The following RAD51B variants were observed in gnomAD, a reference collection of about 807,000 sequenced individuals.
The protein encoded by RAD51B is DNA repair protein RAD51 homolog 2.
Under a neutral mutation model 42.2 loss-of-function variants are expected in RAD51B, and 38 were observed. That is an observed-to-expected ratio of 0.90 (90% CI 0.70 to 1.18). The LOEUF (loss-of-function observed/expected upper bound fraction) is 1.18, where lower values mean the gene tolerates loss of function less well. Ranked by LOEUF, RAD51B falls within the 50% of genes most tolerant of loss-of-function variation. The probability of loss-of-function intolerance (pLI) is 0.00; values close to 1 mark genes in which losing one functional copy is unlikely to be tolerated. For missense variants in RAD51B, 373 were observed against 400.7 expected, an observed-to-expected ratio of 0.93 and a Z score of 0.59; for synonymous variants, 154 against 145.2, an observed-to-expected ratio of 1.06 and a Z score of -0.43.
At chr14:68,063,136 G>T (rs2076595535) in intron 7 of RAD51B, among the ~76,000 whole-genome samples, 2 of 150,686 alleles carry the variant, frequency 1.3e-5, no homozygotes, top group South Asian at 2.1e-4. Context: ...CTCTTTTTTG[G>T]CTAGCTAAAT....
chr14:68,139,203 ATC>A (rs1202130399), intron 7 of RAD51B, among the ~76,000 whole-genome samples: 1 of 152,054 alleles, frequency 6.6e-6, no homozygotes, highest in African/African-American at 2.4e-5. Context: ...TCCTTCAAAG[ATC>A]TCTGTGCAAT....
At chr14:68,041,603 CAGGTCAAGTTCTTGCCCCTTCTA>C (rs1326551183) in intron 7 of RAD51B, among the ~76,000 whole-genome samples, 1 of 151,782 alleles carries the variant, frequency 6.6e-6, no homozygotes, top group African/African-American at 2.4e-5. Flanking sequence ...CCAGCAGCCA[CAGGTCAAGTTCTTGCCCCTTCTA>C]ATGGTCTGGT....
intron 7 of RAD51B, among the ~76,000 whole-genome samples, chr14:67,949,922 C>T (rs1162113608): frequency 2.0e-5 from 3 of 152,140 alleles, no homozygotes; most frequent in African/African-American, 7.2e-5. Context: ...ATCTTTTCTT[C>T]TGAGCAGTAG....
intron 10 of RAD51B, among the ~76,000 whole-genome samples, chr14:68,571,207 G>A (rs1335675645): frequency 6.6e-6 from 1 of 152,182 alleles, no homozygotes; most frequent in Non-Finnish European, 1.5e-5. Flanking sequence ...CTGCAGTGCT[G>A]GGTACAACCA....
chr14:68,372,508 C>T (rs1471967174), intron 8 of RAD51B, among the ~76,000 whole-genome samples: 1 of 152,070 alleles, frequency 6.6e-6, no homozygotes, highest in Non-Finnish European at 1.5e-5. Flanking sequence ...AGATGCTCGT[C>T]CAAGTGTATG....
intron 7 of RAD51B, among the ~76,000 whole-genome samples, chr14:67,909,718 G>C (rs528215243): frequency 1.3e-5 from 2 of 152,160 alleles, no homozygotes; most frequent in Non-Finnish European, 2.9e-5. Context: ...GGTCTCTGTT[G>C]CACAGGCTGG....
intron 10 of RAD51B, among the ~76,000 whole-genome samples, chr14:68,608,273 A>T (rs1028763076): frequency 2.6e-5 from 4 of 152,220 alleles, no homozygotes; most frequent in African/African-American, 9.7e-5. Context: ...AAGAGAATCA[A>T]ACTGAGCTGA....
intron 8 of RAD51B, among the ~76,000 whole-genome samples, chr14:68,409,022 G>A (rs896971676): frequency 6.6e-6 from 1 of 152,124 alleles, no homozygotes; most frequent in African/African-American, 2.4e-5. Flanking sequence ...AGGGAATGAG[G>A]TGTTGGGGAC....
At chr14:68,457,373 A>G (rs2085723577) in intron 9 of RAD51B, among the ~76,000 whole-genome samples, 1 of 152,182 alleles carries the variant, frequency 6.6e-6, no homozygotes, top group African/African-American at 2.4e-5. Flanking sequence ...CAAAAATACA[A>G]CATATCAAAG....
At chr14:68,670,465 G>A (rs993741252) in intron 11 of RAD51B, among the ~76,000 whole-genome samples, 19 of 152,196 alleles carry the variant, frequency 1.2e-4, no homozygotes, top group Admixed American at 1.2e-3. Context: ...TTGGTCTCAT[G>A]AATCCAAGGA....
intron 7 of RAD51B, among the ~76,000 whole-genome samples, chr14:68,168,355 A>G (rs2078796691): frequency 6.6e-6 from 1 of 152,128 alleles, no homozygotes; most frequent in Non-Finnish European, 1.5e-5. Context: ...ATTTAGAAGC[A>G]GTTTTTGCCC....
chr14:68,163,926 A>G (rs2078698342), intron 7 of RAD51B, among the ~76,000 whole-genome samples: 1 of 152,228 alleles, frequency 6.6e-6, no homozygotes, highest in Non-Finnish European at 1.5e-5. Context: ...AAATACTGTA[A>G]TAAATGGTGC....
chr14:68,006,152 G>A (rs1011721566), intron 7 of RAD51B, among the ~76,000 whole-genome samples: 3 of 152,164 alleles, frequency 2.0e-5, no homozygotes, highest in Non-Finnish European at 4.4e-5. Flanking sequence ...TAAGATTTGG[G>A]TGGGACACAG....
At chr14:68,179,888 A>T (rs2079029759) in intron 7 of RAD51B, among the ~76,000 whole-genome samples, 1 of 152,204 alleles carries the variant, frequency 6.6e-6, no homozygotes, top group African/African-American at 2.4e-5. Context: ...TGAATGGCTT[A>T]TAAGGAGTCC....
At chr14:68,678,212 G>A (rs570443313) in intron 11 of RAD51B, among the ~76,000 whole-genome samples, 23 of 152,158 alleles carry the variant, frequency 1.5e-4, no homozygotes, top group Non-Finnish European at 2.6e-4. Flanking sequence ...AGTCCATGTC[G>A]GCTGGTCCAT....
intron 9 of RAD51B, among the ~76,000 whole-genome samples, chr14:68,445,867 G>A (rs1421669476): frequency 6.6e-6 from 1 of 152,216 alleles, no homozygotes. Flanking sequence ...AGCTTGTACA[G>A]TAGAGTGGAA....
intron 7 of RAD51B, among the ~76,000 whole-genome samples, chr14:68,266,798 AGG>A (rs1412461001): frequency 6.6e-6 from 1 of 152,252 alleles, no homozygotes. Context: ...TCTATAAAAT[AGG>A]GATGATAGTA....
At chr14:67,979,739 C>T (rs1370756071) in intron 7 of RAD51B, among the ~76,000 whole-genome samples, 1 of 152,074 alleles carries the variant, frequency 6.6e-6, no homozygotes, top group Non-Finnish European at 1.5e-5. Context: ...TGTATTATGT[C>T]TGTTCTTTTT....
chr14:68,094,653 G>A (rs958393888), intron 7 of RAD51B, among the ~76,000 whole-genome samples: 3 of 152,168 alleles, frequency 2.0e-5, no homozygotes, highest in Non-Finnish European at 4.4e-5. Flanking sequence ...TAAGCCAACA[G>A]AGGCCTTGGA....
Sources: allele counts gnomAD v4.1 joint callset (sites outside exome capture counted in the v4.1 genomes callset), GRCh38; gene constraint gnomAD v4.1.1; transcripts MANE v1.5; gene names NCBI Gene and HGNC (gene_info 2026-07-23, HGNC 2026-07-21).